The following CAMK4 variants were observed in gnomAD, a reference collection of about 807,000 sequenced individuals.
CAMK4 encodes the protein calcium/calmodulin-dependent protein kinase type IV.
A neutral mutation model predicts 44.9 loss-of-function variants in CAMK4; 22 were observed. That is an observed-to-expected ratio of 0.49 (90% CI 0.35 to 0.70). The LOEUF (loss-of-function observed/expected upper bound fraction) is 0.70. CAMK4 is among the 30% of genes least tolerant of loss of function. The pLI, the probability that CAMK4 is intolerant of heterozygous loss-of-function variation, is 0.01. For synonymous variants in CAMK4, 218 were observed against 215.4 expected (o/e 1.01, Z -0.11); for missense variants, 498 against 586.8 (o/e 0.85, Z 1.56).
chr5:111,224,367 C>A, upstream of CAMK4: 2 of 1,340,054 alleles, frequency 1.5e-6, no homozygotes, highest in South Asian at 1.8e-5. This position sits in a 1 kb window ranked among gnomAD's most constrained non-coding sequence, Gnocchi z 5.7. Context: ...CGTGTGCGCG[C>A]GTGAAGGACG....
intron 1 of CAMK4, among the ~76,000 whole-genome samples, chr5:111,303,545 A>T (rs1385887012): frequency 7.8e-5 from 8 of 102,052 alleles, no homozygotes; most frequent in Non-Finnish European, 1.5e-4. Flanking sequence ...AGTTTAGAGA[A>T]AAAAGAATAA....
Position 111,407,305 on chromosome 5 carries a change from C to T in CAMK4, c.459+12523C>T, listed in dbSNP as rs142069355. Among the ~76,000 whole-genome samples the T allele has an allele frequency of 6.9e-3, 1,042 of 150,082 alleles. 48 individuals carry two copies. The highest frequency in any genetic ancestry group is 0.055 in the Admixed American group (830 of 15,056). On this transcript the variant is annotated intron_variant, in intron 5 of 10. Coordinates refer to ENST00000282356, the MANE Select transcript of CAMK4 (RefSeq NM_001744.6). The stretch of plus-strand genomic sequence containing the variant: ...GGCGGAGGTTGCAGTAAGCTGAGAT[C>T]GCGCCACTGCACTCTAGCCTGGGTG...
At chr5:111,478,615 C>A in intron 9 of CAMK4, 108 bp downstream of exon 9, 1 of 485,654 alleles carries the variant, frequency 2.1e-6, no homozygotes, top group South Asian at 3.8e-5. Context: ...GCCATATTTT[C>A]TTTCAATTTT....
intron 2 of CAMK4, among the ~76,000 whole-genome samples, chr5:111,372,518 A>G (rs1001187997): frequency 6.6e-6 from 1 of 152,194 alleles, no homozygotes; most frequent in African/African-American, 2.4e-5. Flanking sequence ...AAGGAGAGAC[A>G]TAGACAAAGA....
intron 5 of CAMK4, among the ~76,000 whole-genome samples, chr5:111,439,764 GA>G (rs1753763300): frequency 6.6e-6 from 1 of 152,158 alleles, no homozygotes; most frequent in African/African-American, 2.4e-5. Context: ...AGAAAAAGCA[GA>G]GGGTCCTAAG....
intron 1 of CAMK4, among the ~76,000 whole-genome samples, chr5:111,250,942 C>G (rs392310): frequency 0.2 from 29,913 of 152,160 alleles, 3,746 homozygotes; most frequent in Non-Finnish European, 0.28. Context: ...AGGGACGAGC[C>G]ACTGCACCCA....
At chr5:111,434,409 G>A (rs912249137) in intron 5 of CAMK4, among the ~76,000 whole-genome samples, 3 of 152,178 alleles carry the variant, frequency 2.0e-5, no homozygotes, top group African/African-American at 7.2e-5. Context: ...GATTATGACT[G>A]ATTGGCCAAG....
At chr5:111,460,603 A>T (rs943903555) in intron 7 of CAMK4, among the ~76,000 whole-genome samples, 1 of 152,110 alleles carries the variant, frequency 6.6e-6, no homozygotes, top group Non-Finnish European at 1.5e-5. Flanking sequence ...TCTACTGAAG[A>T]TATTTTTATG....
chr5:111,399,452 C>T (rs1172590234), intron 5 of CAMK4, among the ~76,000 whole-genome samples: 1 of 152,184 alleles, frequency 6.6e-6, no homozygotes, highest in Non-Finnish European at 1.5e-5. Flanking sequence ...TAAAATTGAA[C>T]AGTATTTTGT....
chr5:111,377,205 A>G (rs1751244661), intron 4 of CAMK4, among the ~76,000 whole-genome samples: 1 of 152,102 alleles, frequency 6.6e-6, no homozygotes, highest in Non-Finnish European at 1.5e-5. Flanking sequence ...CTCCTCAATA[A>G]AAAGATAGAA....
chr5:111,322,518 A>C (rs1748706250), intron 1 of CAMK4, among the ~76,000 whole-genome samples: 1 of 152,174 alleles, frequency 6.6e-6, no homozygotes, highest in African/African-American at 2.4e-5. Flanking sequence ...CTACTAAAAA[A>C]AGGTAAACTC....
chr5:111,294,367 A>AAT (rs1247517804), intron 1 of CAMK4, among the ~76,000 whole-genome samples: 1 of 152,154 alleles, frequency 6.6e-6, no homozygotes, highest in Non-Finnish European at 1.5e-5. Flanking sequence ...AGTACCCTCT[A>AAT]ATTACTTTGC....
chr5:111,266,692 A>G (rs77199414), intron 1 of CAMK4, among the ~76,000 whole-genome samples: 5,320 of 152,322 alleles, frequency 0.035, 143 homozygotes, highest in Middle Eastern at 0.061. Flanking sequence ...GTTTTGCCAT[A>G]CAAATAAAAT....
chr5:111,397,649 C>CTGTG (rs3066726), intron 5 of CAMK4, among the ~76,000 whole-genome samples: 170 of 88,564 alleles, frequency 1.9e-3, no homozygotes, highest in African/African-American at 4.8e-3. Context: ...AGTCAGCATG[C>CTGTG]TGTGTGTGTG....
At position 111,290,222 on chromosome 5, in the gene CAMK4, G is replaced by T. The variant is rs921965977; in HGVS notation, c.162-53802G>T. Among the ~76,000 whole-genome samples the T allele has an allele frequency of 6.6e-6, 1 of 152,164 alleles. No homozygotes were observed. Among genetic ancestry groups the T allele is most frequent in the African/African-American group, 2.4e-5 (1 of 41,430 alleles). On this transcript the variant is annotated intron_variant, in intron 1 of 10. Transcript: ENST00000282356. The surrounding 1 kb of genome is among the most constrained non-coding windows in gnomAD (Gnocchi z 4.5). ...TTTCCTTGAGCTGGAAGCTAAGATG[G>T]TGTTATAACTGGCCATTTCATTGTG...
intron 10 of CAMK4, 103 bp from the exon 11 acceptor site, chr5:111,483,923 G>A (rs25924): frequency 0.78 from 668,235 of 856,520 alleles, 263,513 homozygotes; most frequent in African/African-American, 0.95. Context: ...AAACTTTAAC[G>A]CTAACCTATA....
chr5:111,373,177 C>T (rs571186603), intron 2 of CAMK4, among the ~76,000 whole-genome samples: 2 of 152,270 alleles, frequency 1.3e-5, no homozygotes, highest in African/African-American at 4.8e-5. Flanking sequence ...CTCTTGATTG[C>T]CTGTATGAAT....
intron 1 of CAMK4, among the ~76,000 whole-genome samples, chr5:111,311,880 G>A (rs1197092805): frequency 1.3e-5 from 2 of 152,052 alleles, no homozygotes; most frequent in South Asian, 2.1e-4. Context: ...GTGATGTTGT[G>A]TTGTTGCTAT....
At chr5:111,404,936 A>G (rs1212453637) in intron 5 of CAMK4, among the ~76,000 whole-genome samples, 6 of 152,194 alleles carry the variant, frequency 3.9e-5, no homozygotes, top group Non-Finnish European at 7.3e-5. Context: ...CAACAATTCA[A>G]TTCAACAATT....
Sources: allele counts gnomAD v4.1 joint callset (sites outside exome capture counted in the v4.1 genomes callset), GRCh38; gene constraint gnomAD v4.1.1; non-coding constraint Gnocchi (gnomAD v3.1); transcripts MANE v1.5; gene names NCBI Gene and HGNC (gene_info 2026-07-23, HGNC 2026-07-21).